LARGE1: variants seen among roughly 807,000 people sequenced by gnomAD.
LARGE1 encodes xylosyl- and glucuronyltransferase LARGE1.
Under a neutral mutation model 87.6 loss-of-function variants are expected in LARGE1, and 43 were observed. That is an observed-to-expected ratio of 0.49 (90% CI 0.38 to 0.63). The LOEUF is 0.63. LARGE1 is among the 30% of genes least tolerant of loss of function. The probability of loss-of-function intolerance (pLI) is 0.00; values close to 1 mark genes in which losing one functional copy is unlikely to be tolerated. For missense variants in LARGE1, 802 were observed against 1,000.2 expected (o/e 0.80, Z 2.67); for synonymous variants, 434 against 394.6 (o/e 1.10, Z -1.18).
In LARGE1 at chr22:33,813,623, G is replaced by A. The variant is rs1457815855; in HGVS notation, c.-82-52065C>T. ...ACAGCTTCTGTTCGGCCTCGGCTGT[G>A]GGCTCGATGACAAAACACTACTGCA... On this transcript the variant is annotated intron_variant, in intron 1 of 14. Transcript: ENST00000397394. Among the ~76,000 whole-genome samples, 5 of 152,140 alleles carry A rather than the reference G, an allele frequency of 3.3e-5. No homozygotes were observed. In the East Asian group the frequency reaches 9.6e-4, roughly 29 times the overall value.
chr22:33,248,184 T>C (rs959335615), intron 11 of LARGE1, among the ~76,000 whole-genome samples: 1 of 152,006 alleles, frequency 6.6e-6, no homozygotes, highest in Non-Finnish European at 1.5e-5. Flanking sequence ...CCAACACTTG[T>C]AGACATTTTT....
intron 7 of LARGE1, among the ~76,000 whole-genome samples, chr22:33,430,255 T>C (rs2067032475): frequency 1.3e-5 from 2 of 152,064 alleles, no homozygotes; most frequent in Non-Finnish European, 2.9e-5. Flanking sequence ...ATAGGATGAG[T>C]GTGAGGATCA....
chr22:33,130,119 A>G, the LARGE1 span, among the ~76,000 whole-genome samples: 2 of 150,954 alleles, frequency 1.3e-5, no homozygotes, highest in Non-Finnish European at 3.0e-5. Flanking sequence ...TCGAGACCAT[A>G]CTGGCTAACA....
intron 11 of LARGE1, among the ~76,000 whole-genome samples, chr22:33,240,743 CA>C (rs1475377581): frequency 6.6e-6 from 1 of 152,138 alleles, no homozygotes; most frequent in Non-Finnish European, 1.5e-5. Context: ...GGAGATTGGA[CA>C]TTCTTATATA....
intron 6 of LARGE1, among the ~76,000 whole-genome samples, chr22:33,488,851 C>A (rs1021042366): frequency 6.6e-5 from 10 of 152,294 alleles, no homozygotes; most frequent in Non-Finnish European, 1.5e-5. Flanking sequence ...CTCCCTGGGG[C>A]CACACCAAAT....
chr22:33,586,737 G>A (rs1299725346), intron 5 of LARGE1, among the ~76,000 whole-genome samples: 7 of 152,200 alleles, frequency 4.6e-5, no homozygotes, highest in African/African-American at 1.2e-4. Context: ...GATTACAGGC[G>A]TGAGCCACCG....
intron 1 of LARGE1, among the ~76,000 whole-genome samples, chr22:33,861,067 C>T (rs568783666): frequency 3.3e-5 from 5 of 152,130 alleles, no homozygotes; most frequent in South Asian, 4.2e-4. Flanking sequence ...GGTAACGAAG[C>T]GGCATCGCCC....
intron 3 of LARGE1, among the ~76,000 whole-genome samples, chr22:33,641,670 G>C (rs1042571457): frequency 2.0e-5 from 3 of 152,288 alleles, no homozygotes; most frequent in Admixed American, 6.5e-5. Context: ...AAAATAACCA[G>C]TTTAGAGAAG....
intron 9 of LARGE1, among the ~76,000 whole-genome samples, chr22:33,378,004 C>G (rs886232637): frequency 1.3e-5 from 2 of 151,968 alleles, no homozygotes; most frequent in Admixed American, 6.6e-5. Flanking sequence ...TGTTTTATAT[C>G]TGGTAAGTCC....
chr22:33,878,125 A>ATTTTTTTTTTTTT (rs1601836110), intron 1 of LARGE1, among the ~76,000 whole-genome samples: 7 of 51,232 alleles, frequency 1.4e-4, no homozygotes, highest in African/African-American at 2.8e-4. Flanking sequence ...TTTATATTGT[A>ATTTTTTTTTTTTT]TTTCTTTTTT....
At chr22:33,348,758 TCTC>T (rs1035131164) in intron 9 of LARGE1, among the ~76,000 whole-genome samples, 13 of 152,012 alleles carry the variant, frequency 8.6e-5, no homozygotes, top group African/African-American at 2.9e-4. Context: ...ACATCAGTCT[TCTC>T]CTCCTTTCAG....
intron 7 of LARGE1, among the ~76,000 whole-genome samples, chr22:33,401,547 T>C (rs1002658748): frequency 3.3e-5 from 5 of 152,154 alleles, no homozygotes; most frequent in Non-Finnish European, 5.9e-5. Flanking sequence ...TAGAGAGTGG[T>C]AGCCATTTTT....
chr22:33,479,030 G>A (rs1477141856), intron 6 of LARGE1, among the ~76,000 whole-genome samples: 1 of 152,172 alleles, frequency 6.6e-6, no homozygotes, highest in Non-Finnish European at 1.5e-5. Flanking sequence ...TCATATGAGT[G>A]TTCCTGGTAG....
At chr22:33,813,874 G>A (rs569250155) in intron 1 of LARGE1, among the ~76,000 whole-genome samples, 4 of 152,220 alleles carry the variant, frequency 2.6e-5, no homozygotes, top group Admixed American at 6.5e-5. Context: ...ACAACTCAAT[G>A]AACACTGAAC....
intron 2 of LARGE1, chr22:33,744,209 T>C (rs942077799): frequency 6.6e-6 from 1 of 152,244 alleles, no homozygotes; most frequent in African/African-American, 2.4e-5. Flanking sequence ...GAACTTAATA[T>C]GTGTCAGTTG....
chr22:33,342,805 G>A (rs1311333262), intron 9 of LARGE1, among the ~76,000 whole-genome samples: 2 of 152,110 alleles, frequency 1.3e-5, no homozygotes, highest in Non-Finnish European at 2.9e-5. Context: ...GGAGTGGATG[G>A]CGAGGTCTTA....
chr22:33,599,835 T>C (rs1242873361), intron 5 of LARGE1, among the ~76,000 whole-genome samples: 1 of 152,216 alleles, frequency 6.6e-6, no homozygotes, highest in African/African-American at 2.4e-5. Flanking sequence ...AATGCAACTG[T>C]GGAACACGGC....
Position 33,304,368 on chromosome 22 carries a change from A to AG in LARGE1, c.1590dup (p.Tyr531LeufsTer33). 1 of 1,614,246 alleles carries AG rather than the reference A, an allele frequency of 6.2e-7. No homozygotes were observed. The highest frequency in any genetic ancestry group is 8.5e-7 in the Non-Finnish European group (1 of 1,180,038). On this transcript the variant is annotated frameshift_variant, in exon 12 of 15. Transcript: ENST00000397394. LOFTEE classifies it high-confidence loss of function. ...TGGCCCTCCTTGTACACGATGTGGT[A>AG]GCCCACGTTGTGGCGGCTCATAAGC...
chr22:33,129,884 G>T, the LARGE1 span, among the ~76,000 whole-genome samples: 1 of 152,218 alleles, frequency 6.6e-6, no homozygotes, highest in African/African-American at 2.4e-5. Context: ...CCTTTGACAC[G>T]TGGGGATTAA....
Sources: allele counts gnomAD v4.1 joint callset (sites outside exome capture counted in the v4.1 genomes callset), GRCh38; gene constraint gnomAD v4.1.1; transcripts MANE v1.5; gene names NCBI Gene and HGNC (gene_info 2026-07-23, HGNC 2026-07-21).